CFAP161: variants seen among roughly 807,000 people sequenced by gnomAD.
CFAP161 encodes the protein cilia- and flagella-associated protein 161.
In CFAP161, 25 loss-of-function variants were observed where a neutral mutation model predicts 29.0. That is an observed-to-expected ratio of 0.86 (90% CI 0.63 to 1.20). The LOEUF is 1.20. Among genes scored for constraint, CFAP161 ranks in the 50% most tolerant of loss-of-function variants. The pLI, the probability that CFAP161 is intolerant of heterozygous loss-of-function variation, is 0.00. For missense variants in CFAP161, 367 were observed against 371.9 expected (o/e 0.99, Z 0.11); for synonymous variants, 116 against 137.4 (o/e 0.84, Z 1.09).
chr15:81,134,400 T>G lies in CFAP161; in HGVS notation c.69+2T>G, dbSNP rs1595916569. 6.3e-7 allele frequency: 1 copy of G among 1,580,378 alleles called. No individual in the cohort carries two copies. Among genetic ancestry groups the G allele is most frequent in the African/African-American group, 1.3e-5 (1 of 74,764 alleles). On this transcript the variant is annotated splice_donor_variant, in intron 1 of 6. Transcript: ENST00000286732. LOFTEE classifies it high-confidence loss of function. ...AATGAGGATGTCTACCTGGAGGAGGTACGCAGGGTGTGGCCAGGCGCAGAC... is the reference window on the plus strand; with the variant it reads ...AATGAGGATGTCTACCTGGAGGAGGGACGCAGGGTGTGGCCAGGCGCAGAC...
intron 1 of CFAP161, among the ~76,000 whole-genome samples, chr15:81,121,094 C>T (rs1894566804): frequency 6.6e-6 from 1 of 152,178 alleles, no homozygotes; most frequent in South Asian, 2.1e-4. Flanking sequence ...TAATTTCCTT[C>T]TAATTATAGC....
chr15:81,105,161 CTT>C (rs1894352375), intron 1 of CFAP161, among the ~76,000 whole-genome samples: 1 of 37,390 alleles, frequency 2.7e-5, no homozygotes, highest in Non-Finnish European at 6.2e-5. Flanking sequence ...CCCTCCCTCC[CTT>C]CCTTCCTCCC....
chr15:81,134,046 T>C (rs1894761700), upstream of CFAP161, among the ~76,000 whole-genome samples: 1 of 152,196 alleles, frequency 6.6e-6, no homozygotes, highest in Non-Finnish European at 1.5e-5. Context: ...AAAGAAAGCT[T>C]TAAATTTCTC....
At chr15:81,148,046 G>A in intron 6 of CFAP161, 115 bp downstream of exon 6, 2 of 843,536 alleles carry the variant, frequency 2.4e-6, no homozygotes, top group Non-Finnish European at 3.6e-6. Flanking sequence ...GTCCTTTGCT[G>A]ATGAAATACC....
At chr15:81,121,237 A>T (rs992466565) in intron 1 of CFAP161, among the ~76,000 whole-genome samples, 2 of 152,140 alleles carry the variant, frequency 1.3e-5, no homozygotes, top group African/African-American at 4.8e-5. Flanking sequence ...ATAACCAATT[A>T]TTTTACTTTA....
chr15:81,121,980 T>A (rs1442057432), intron 1 of CFAP161, among the ~76,000 whole-genome samples: 1 of 152,230 alleles, frequency 6.6e-6, no homozygotes, highest in Non-Finnish European at 1.5e-5. Context: ...GGTTTTCTGT[T>A]CCTGCATTAG....
chr15:81,100,371 T>C, intron 1 of CFAP161, among the ~76,000 whole-genome samples: 1 of 151,898 alleles, frequency 6.6e-6, no homozygotes, highest in Non-Finnish European at 1.5e-5. Flanking sequence ...AGTATTTTTA[T>C]GGAAAGGTAC....
intron 1 of CFAP161, among the ~76,000 whole-genome samples, chr15:81,127,324 A>T (rs1052689079): frequency 6.6e-6 from 1 of 152,206 alleles, no homozygotes; most frequent in Non-Finnish European, 1.5e-5. Context: ...AGTCAAACAA[A>T]AGCAAAAAAC....
chr15:81,137,094 C>CTTT (rs1360946222), intron 3 of CFAP161, among the ~76,000 whole-genome samples: 6 of 87,972 alleles, frequency 6.8e-5, no homozygotes, highest in African/African-American at 2.3e-4. Flanking sequence ...CTTAATACGG[C>CTTT]TATTTTTTTT....
At chr15:81,134,181 C>T (rs1163690170), upstream of CFAP161, 2 of 896,392 alleles carry the variant, frequency 2.2e-6, no homozygotes, top group African/African-American at 1.7e-5. Flanking sequence ...CGCCCCATCT[C>T]CCGCCCCAGG....
chr15:81,148,630 A>G lies in CFAP161; in HGVS notation c.*97A>G. 1 of 1,213,792 alleles carries G rather than the reference A, an allele frequency of 8.2e-7. No individual in the cohort carries two copies. Among genetic ancestry groups the G allele is most frequent in the Non-Finnish European group, 1.1e-6 (1 of 877,006 alleles). The allele number at this position is 1,213,792 out of a possible 1,614,324, so 75.2% of individuals were successfully genotyped here. A position where few individuals can be genotyped will look rare whatever the true frequency, so the allele number is the denominator to read the frequency against. On this transcript the variant is annotated 3_prime_UTR_variant, in exon 7 of 7. Transcript: ENST00000286732. ...TTGGTCATGCCTCAAGCTATTTTTG[A>G]ATCAGATGTGGGACTCTCTGGGCAC...
intron 3 of CFAP161, among the ~76,000 whole-genome samples, chr15:81,137,567 G>A (rs1320873919): frequency 6.6e-6 from 1 of 152,122 alleles, no homozygotes; most frequent in Non-Finnish European, 1.5e-5. Flanking sequence ...CTGAACTCCA[G>A]CCTGGGGGAA....
intron 4 of CFAP161, among the ~76,000 whole-genome samples, chr15:81,142,012 T>C (rs1354957791): frequency 2.0e-5 from 3 of 152,132 alleles, no homozygotes; most frequent in African/African-American, 7.2e-5. Context: ...TCTGGTTTTC[T>C]TGTTGCTCTG....
intron 1 of CFAP161, among the ~76,000 whole-genome samples, chr15:81,117,238 C>G (rs990478359): frequency 6.6e-6 from 1 of 151,828 alleles, no homozygotes; most frequent in African/African-American, 2.4e-5. Flanking sequence ...ATATAATATA[C>G]ACTATATATA....
intron 3 of CFAP161, 56 bp downstream of exon 3, chr15:81,136,804 C>G (rs2141879335): frequency 6.9e-7 from 1 of 1,459,748 alleles, no homozygotes. Context: ...TCACTTGTAG[C>G]TTAAAGATTC....
chr15:81,110,027 T>C (rs184368138), intron 1 of CFAP161, among the ~76,000 whole-genome samples: 2 of 152,192 alleles, frequency 1.3e-5, no homozygotes, highest in East Asian at 1.9e-4. Context: ...GCAGAATCCA[T>C]GTAGCTCTGA....
At chr15:81,106,450 A>G (rs2683235) in intron 1 of CFAP161, among the ~76,000 whole-genome samples, 128,643 of 152,094 alleles carry the variant, frequency 0.85, 55,222 homozygotes, top group African/African-American at 0.96. Flanking sequence ...GATTACAGGC[A>G]TGAGCCACCG....
rs1203561656 is a variant in CFAP161, at chr15:81,136,656, G to A, written c.300G>A (p.Gln100=). The change falls in exon 3 of 7, where the codon CAG becomes CAA. Residue 100 remains glutamine, a synonymous_variant. Coordinates refer to ENST00000286732, the MANE Select transcript of CFAP161 (RefSeq NM_173528.4). ...TGTGTATGACTCCAGATGAAATTCA[G>A]TCCCATCTGAAAGACGAATTAGAGG... The part of the protein sequence containing the change: ...LSLCMTPDEI[Q]SHLKDELEVP... The A allele has an allele frequency of 6.2e-7, 1 of 1,613,992 alleles. No homozygotes were observed. Among genetic ancestry groups the A allele is most frequent in the Non-Finnish European group, 8.5e-7 (1 of 1,180,026 alleles).
chr15:81,147,818 T>A (rs1184687396), intron 5 of CFAP161, 40 bp from the exon 6 acceptor site: 2 of 1,406,824 alleles, frequency 1.4e-6, no homozygotes, highest in Non-Finnish European at 1.9e-6. Flanking sequence ...AAAAAAAAAA[T>A]GTTTAGAATG....
Sources: gnomAD v4.1 joint callset for allele counts (sites outside exome capture counted in the v4.1 genomes callset) on GRCh38, gnomAD v4.1.1 for gene constraint, MANE v1.5 for transcripts, NCBI Gene and HGNC (gene_info 2026-07-23, HGNC 2026-07-21) for gene names.